Variants in CHD9 observed in about 807,000 individuals in gnomAD.
The protein encoded by CHD9 is ATP-dependent chromatin remodeler CHD9.
Under a neutral mutation model 316.1 loss-of-function variants are expected in CHD9, and 77 were observed. The ratio of observed to expected loss-of-function variants is 0.24; its 90% confidence interval spans 0.20 to 0.29. CHD9 has a LOEUF of 0.29. Among genes scored for constraint, CHD9 ranks in the 10% least tolerant of loss-of-function variants. CHD9 has a pLI of 1.00. For missense variants in CHD9, 2,763 were observed against 3,438.1 expected, an observed-to-expected ratio of 0.80 and a Z score of 4.91; for synonymous variants, 1,129 against 1,158.3, an observed-to-expected ratio of 0.97 and a Z score of 0.51.
At chr16:53,244,192 C>CT (rs529369708) in intron 13 of CHD9, among the ~76,000 whole-genome samples, 1,451 of 135,492 alleles carry the variant, frequency 0.011, 15 homozygotes, top group African/African-American at 0.022. Context: ...AAGCATATTT[C>CT]TTTTTTTTTT....
At chr16:53,056,675 C>A (rs2032162235) in intron 1 of CHD9, among the ~76,000 whole-genome samples, 1 of 152,224 alleles carries the variant, frequency 6.6e-6, no homozygotes, top group Admixed American at 6.5e-5. Flanking sequence ...CACTAGCTAT[C>A]ACTGCTGTGA....
chr16:53,097,696 C>A (rs1256904757), intron 1 of CHD9, among the ~76,000 whole-genome samples: 3 of 152,128 alleles, frequency 2.0e-5, no homozygotes, highest in African/African-American at 7.2e-5. Context: ...GGTAACTCAA[C>A]AAATATTTAT....
chr16:53,304,311 G>A lies in CHD9; in HGVS notation c.6305G>A (p.Arg2102Lys), dbSNP rs1242420632. 36 of 1,612,062 alleles carry A rather than the reference G, an allele frequency of 2.2e-5. No individual in the cohort carries two copies. The highest frequency in any genetic ancestry group is 2.8e-5 in the Non-Finnish European group (33 of 1,179,814). ...TCTGGTGGAAAATGTGAAACAGACA[G>A]ACGCATGGTTGCAGCCAGAACAGAA... ...QKSGGKCETD[R>K]RMVAARTEPL... is the part of the protein sequence containing the mutation. The change falls in exon 31 of 39, where the codon AGA becomes AAA. Residue 2102 changes from arginine to lysine, a missense_variant. Physicochemically the swap from Arg to Lys is conservative, Grantham distance 26. Around this residue, in one of 15 missense-constraint regions of CHD9, gnomAD observed 663 missense variants for 751.2 expected, o/e 0.88. Transcript: ENST00000447540.
At chr16:53,151,052 C>CT (rs1316786264) in intron 1 of CHD9, among the ~76,000 whole-genome samples, 1 of 152,086 alleles carries the variant, frequency 6.6e-6, no homozygotes, top group African/African-American at 2.4e-5. Context: ...CTCAAATAGT[C>CT]TTTCTGCCCT....
intron 24 of CHD9, among the ~76,000 whole-genome samples, chr16:53,280,330 G>A (rs2053285796): frequency 6.6e-6 from 1 of 152,090 alleles, no homozygotes; most frequent in African/African-American, 2.4e-5. Context: ...TATATATGAT[G>A]GAATACTACT....
intron 1 of CHD9, among the ~76,000 whole-genome samples, chr16:53,105,822 CT>C (rs200467105): frequency 0.021 from 2,856 of 136,826 alleles, 54 homozygotes; most frequent in African/African-American, 0.063. Flanking sequence ...ATGATAAGAA[CT>C]TTTTTTTTTT....
intron 1 of CHD9, among the ~76,000 whole-genome samples, chr16:53,097,403 CCT>C (rs2036480481): frequency 6.9e-6 from 1 of 145,764 alleles, no homozygotes; most frequent in South Asian, 2.2e-4. Flanking sequence ...TTCCTTCCTT[CCT>C]TCTTTCTCTT....
intron 2 of CHD9, among the ~76,000 whole-genome samples, chr16:53,167,938 G>A (rs542359164): frequency 6.6e-6 from 1 of 152,122 alleles, no homozygotes; most frequent in East Asian, 1.9e-4. Context: ...AATTTCCTAG[G>A]ATTTTTCCCC....
At chr16:53,223,476 C>T (rs1209835234) in intron 4 of CHD9, 1 of 152,490 alleles carries the variant, frequency 6.6e-6, no homozygotes, top group Non-Finnish European at 1.5e-5. Context: ...AGAGTAGTGG[C>T]TCAAGGCTCC....
intron 1 of CHD9, among the ~76,000 whole-genome samples, chr16:53,143,358 TTTTATTTATTTATTTA>T (rs55793321): frequency 2.0e-4 from 27 of 137,988 alleles, no homozygotes; most frequent in Admixed American, 4.4e-4. Context: ...TTTTATCTTA[TTTTATTTATTTATTTA>T]TTTATTTATT....
At chr16:53,216,672 A>G (rs1328456696) in intron 3 of CHD9, among the ~76,000 whole-genome samples, 4 of 152,206 alleles carry the variant, frequency 2.6e-5, no homozygotes, top group African/African-American at 9.6e-5. Flanking sequence ...TAAGTGTTCT[A>G]TAAATATAAA....
At chr16:53,064,570 C>T (rs1045935281) in intron 1 of CHD9, among the ~76,000 whole-genome samples, 3 of 152,160 alleles carry the variant, frequency 2.0e-5, no homozygotes, top group African/African-American at 7.2e-5. Flanking sequence ...TGGTTCTCTG[C>T]AGGCCAGAGA....
chr16:53,250,714 A>G (rs2050057765), intron 17 of CHD9: 1 of 152,214 alleles, frequency 6.6e-6, no homozygotes, highest in Non-Finnish European at 1.5e-5. Flanking sequence ...TACAGTGATC[A>G]AAGAGAGTCT....
At chr16:53,292,585 C>T (rs1318723675) in intron 28 of CHD9, among the ~76,000 whole-genome samples, 1 of 152,118 alleles carries the variant, frequency 6.6e-6, no homozygotes, top group African/African-American at 2.4e-5. Flanking sequence ...TGATATATAC[C>T]TAGACATGCA....
chr16:53,222,295 C>CGAA (rs1567508147), intron 3 of CHD9, among the ~76,000 whole-genome samples: 1 of 152,088 alleles, frequency 6.6e-6, no homozygotes, highest in Non-Finnish European at 1.5e-5. Flanking sequence ...AGGCTGGTCT[C>CGAA]GAACTCCTAA....
chr16:53,223,846 T>C (rs1036605415), intron 4 of CHD9, among the ~76,000 whole-genome samples: 6 of 152,206 alleles, frequency 3.9e-5, no homozygotes, highest in Non-Finnish European at 8.8e-5. Flanking sequence ...TGTCATTAAA[T>C]AAATGATGGA....
At chr16:53,183,754 A>AAATACAATACAATACAATAC (rs147690581) in intron 2 of CHD9, among the ~76,000 whole-genome samples, 1 of 151,150 alleles carries the variant, frequency 6.6e-6, no homozygotes, top group African/African-American at 2.4e-5. Context: ...TCTGTACAAA[A>AAATACAATACAATACAATAC]AATACAATAC....
intron 1 of CHD9, among the ~76,000 whole-genome samples, chr16:53,146,043 G>A (rs546641016): frequency 6.6e-6 from 1 of 151,722 alleles, no homozygotes. Context: ...ACAGTAGATG[G>A]TGATTGCCAG....
intron 1 of CHD9, among the ~76,000 whole-genome samples, chr16:53,072,602 C>T (rs2034184829): frequency 6.6e-6 from 1 of 151,930 alleles, no homozygotes; most frequent in Non-Finnish European, 1.5e-5. Context: ...TCTCGAACTC[C>T]TGGGTTCAAG....
Sources: allele counts gnomAD v4.1 joint callset (sites outside exome capture counted in the v4.1 genomes callset), GRCh38; gene constraint gnomAD v4.1.1; regional missense constraint gnomAD v4.1.1; transcripts MANE v1.5; gene names NCBI Gene and HGNC (gene_info 2026-07-23, HGNC 2026-07-21).